The following SYTL2 variants were observed in gnomAD, a reference collection of about 807,000 sequenced individuals.
SYTL2 encodes the protein synaptotagmin-like protein 2.
SYTL2 carries 165 observed loss-of-function variants against 198.7 expected under a neutral mutation model. The observed-to-expected ratio is 0.83, with a 90% confidence interval of 0.73 to 0.94. SYTL2 has a LOEUF of 0.94. Ranked by LOEUF, SYTL2 falls within the 40% of genes least tolerant of loss-of-function variation. The pLI is 0.00. For missense variants in SYTL2, 2,835 were observed against 2,582.8 expected (o/e 1.10, Z -2.12); for synonymous variants, 966 against 917.7 (o/e 1.05, Z -0.95).
chr11:85,737,664 AGAAAC>A lies in SYTL2; in HGVS notation c.390-13_390-9del, dbSNP rs1428151163. The A allele has an allele frequency of 1.9e-6, 3 of 1,609,616 alleles. No individual in the cohort carries two copies. Among genetic ancestry groups the A allele is most frequent in the Non-Finnish European group, 2.6e-6 (3 of 1,176,354 alleles). ...GGATTTACCACACTGGAACTGCAAA[AGAAAC>A]AATAATTCAGAGAATAAAACCTCAC... On this transcript the variant is annotated splice_polypyrimidine_tract_variant and intron_variant, in intron 4 of 19. Transcript: ENST00000359152.
chr11:85,749,562 G>A (rs1487315344), intron 2 of SYTL2, among the ~76,000 whole-genome samples: 6 of 152,164 alleles, frequency 3.9e-5, no homozygotes, highest in Non-Finnish European at 7.4e-5. Flanking sequence ...TCTCCCAAGC[G>A]TGCCTGGAGA....
At chr11:85,832,854 G>C in the SYTL2 span, among the ~76,000 whole-genome samples, 1 of 150,950 alleles carries the variant, frequency 6.6e-6, no homozygotes, top group East Asian at 1.9e-4. Flanking sequence ...TAATTAGCTG[G>C]GTATGGTGGC....
At chr11:85,739,572 G>C (rs529034040) in intron 4 of SYTL2, among the ~76,000 whole-genome samples, 4 of 152,236 alleles carry the variant, frequency 2.6e-5, no homozygotes, top group Non-Finnish European at 5.9e-5. Flanking sequence ...CTTCCTAGTA[G>C]CTTTGTTTCT....
At chr11:85,772,338 G>C (rs2092371664) in intron 1 of SYTL2, among the ~76,000 whole-genome samples, 1 of 152,220 alleles carries the variant, frequency 6.6e-6, no homozygotes, top group Non-Finnish European at 1.5e-5. Context: ...AGACACAATA[G>C]GAAGTAGTAT....
chr11:85,742,660 G>C (rs1565966451), intron 4 of SYTL2, among the ~76,000 whole-genome samples: 1 of 152,086 alleles, frequency 6.6e-6, no homozygotes, highest in African/African-American at 2.4e-5. Context: ...GTTGTTTTCT[G>C]TATTTTATTT....
At chr11:85,798,360 C>T (rs1238684797) in intron 1 of SYTL2, among the ~76,000 whole-genome samples, 2 of 152,344 alleles carry the variant, frequency 1.3e-5, no homozygotes, top group South Asian at 2.1e-4. Flanking sequence ...ACCTTCTTCA[C>T]ATGCCTAAAT....
rs1474400200 is a variant in SYTL2, at chr11:85,726,935, A to G, written c.2423T>C (p.Ile808Thr). ...FWEGEKAGAK[I>T]THEKPTSSCS... Reference sequence around the variant, plus strand: ...TGAAGATGTGGGTTTTTCATGAGTTATCTTAGCACCAGCTTTCTCTCCTTC... The same window carrying G: ...TGAAGATGTGGGTTTTTCATGAGTTGTCTTAGCACCAGCTTTCTCTCCTTC... The change falls in exon 8 of 20, where the codon ATA (isoleucine) becomes ACA (threonine). Residue 808 changes from isoleucine (I) to threonine (T), a missense_variant. Physicochemically the swap from Ile to Thr is moderately conservative, Grantham distance 89. Transcript: ENST00000359152. 3.9e-6 allele frequency: 6 copies of G among 1,536,434 alleles called. No individual in the cohort carries two copies. In the African/African-American group the frequency reaches 8.2e-5, roughly 21 times the overall value.
At chr11:85,800,036 T>C (rs962888854) in intron 1 of SYTL2, among the ~76,000 whole-genome samples, 1 of 152,210 alleles carries the variant, frequency 6.6e-6, no homozygotes, top group African/African-American at 2.4e-5. Flanking sequence ...TACTTAAGTA[T>C]TAAACTAAGC....
chr11:85,819,204 CA>C, the SYTL2 span, among the ~76,000 whole-genome samples: 1 of 151,846 alleles, frequency 6.6e-6, no homozygotes, highest in African/African-American at 2.4e-5. Context: ...TACTTGTTTG[CA>C]AAAAAATCTC....
At chr11:85,833,729 CT>C in the SYTL2 span, among the ~76,000 whole-genome samples, 197 of 121,140 alleles carry the variant, frequency 1.6e-3, 1 homozygote, top group Admixed American at 4.0e-3. Flanking sequence ...TCGAAGATTT[CT>C]TTTTTTTTTT....
the SYTL2 span, chr11:85,854,773 G>A: frequency 6.6e-6 from 1 of 152,254 alleles, no homozygotes; most frequent in African/African-American, 2.4e-5. Flanking sequence ...TTTTACAGCG[G>A]AAGACACAAA....
chr11:85,838,239 G>T, the SYTL2 span, among the ~76,000 whole-genome samples: 1 of 152,080 alleles, frequency 6.6e-6, no homozygotes, highest in Non-Finnish European at 1.5e-5. Context: ...TAAGCATTGG[G>T]ACAAGAATTT....
intron 1 of SYTL2, among the ~76,000 whole-genome samples, chr11:85,788,524 T>C (rs1481750108): frequency 2.6e-5 from 4 of 152,288 alleles, no homozygotes; most frequent in African/African-American, 7.2e-5. Context: ...AAAGACACCA[T>C]GCAAAAGTCT....
intron 19 of SYTL2, 37 bp from the exon 20 acceptor site, chr11:85,695,377 C>A (rs759025098): frequency 1.3e-6 from 2 of 1,513,768 alleles, no homozygotes; most frequent in Admixed American, 2.1e-5. Context: ...AAAGAAACAG[C>A]TCATTGGGGG....
Position 85,725,908 on chromosome 11 carries a change from G to A in SYTL2, c.3450C>T (p.Pro1150=). Reference sequence around the variant, plus strand: ...GTTTTCCATGAACTTTTCCACCAGAGGGTTGAATTGCTGGTGTTGAGGTTT... The same window carrying A: ...GTTTTCCATGAACTTTTCCACCAGAAGGTTGAATTGCTGGTGTTGAGGTTT... ...LSETSTPAIQ[P]SGGKVHGKQV... The change falls in exon 8 of 20, where the codon CCC becomes CCT. Residue 1150 remains proline (P), a synonymous_variant. Coordinates refer to ENST00000359152, the MANE Select transcript of SYTL2 (RefSeq NM_206927.4). 1 of 1,614,074 alleles carries A rather than the reference G, an allele frequency of 6.2e-7. No homozygotes were observed. Among genetic ancestry groups the A allele is most frequent in the Non-Finnish European group, 8.5e-7 (1 of 1,179,996 alleles).
At chr11:85,774,818 A>T (rs2092423265) in intron 1 of SYTL2, among the ~76,000 whole-genome samples, 1 of 152,170 alleles carries the variant, frequency 6.6e-6, no homozygotes, top group African/African-American at 2.4e-5. Flanking sequence ...ACAAATGATC[A>T]TTAGTACTTC....
chr11:85,835,191 A>C, the SYTL2 span, among the ~76,000 whole-genome samples: 1 of 152,144 alleles, frequency 6.6e-6, no homozygotes, highest in Non-Finnish European at 1.5e-5. Context: ...TAAGGGTCTA[A>C]TTTTTATTTT....
Position 85,711,049 on chromosome 11 carries a change from G to A in SYTL2, c.5745+64C>T, listed in dbSNP as rs149874037. 451 of 1,565,650 alleles carry A rather than the reference G, an allele frequency of 2.9e-4. 2 individuals are homozygous for A. The African/African-American group carries it at 5.6e-3, about 19-fold the overall frequency. On this transcript the variant is annotated intron_variant, in intron 13 of 19. Coordinates refer to ENST00000359152, the MANE Select transcript of SYTL2 (RefSeq NM_206927.4). ...GAGGAGGCTGTTTTACAATGAGCATGAGCATGTCAGAGCAAGGTTCAGAGA... is the reference window on the plus strand; with the variant it reads ...GAGGAGGCTGTTTTACAATGAGCATAAGCATGTCAGAGCAAGGTTCAGAGA...
Position 85,724,203 on chromosome 11 carries a change from T to TAGCAA in SYTL2, c.5154_5155insTTGCT (p.Ile1719LeufsTer6), listed in dbSNP as rs2088786881. ...TTTTCTTTGTTCATCAGGAGAGGAA[T>TAGCAA]GGGTTGCCTATTTCTGGACACACTA... is the stretch of plus-strand genomic sequence containing the variant. On this transcript the variant is annotated frameshift_variant, in exon 8 of 20. Transcript: ENST00000359152. LOFTEE classifies it high-confidence loss of function. 6.3e-7 allele frequency: 1 copy of TAGCAA among 1,595,798 alleles called. No individual in the cohort carries two copies. The highest frequency in any genetic ancestry group is 1.4e-5 in the African/African-American group (1 of 73,530).
Sources: allele counts gnomAD v4.1 joint callset (sites outside exome capture counted in the v4.1 genomes callset), GRCh38; gene constraint gnomAD v4.1.1; transcripts MANE v1.5; gene names NCBI Gene and HGNC (gene_info 2026-07-23, HGNC 2026-07-21).